FBXL7: variants seen among roughly 807,000 people sequenced by gnomAD.
FBXL7 encodes F-box and leucine rich repeat protein 7.
In FBXL7, 12 loss-of-function variants were observed where a neutral mutation model predicts 38.3. The ratio of observed to expected loss-of-function variants is 0.31; its 90% CI spans 0.20 to 0.51. The LOEUF (loss-of-function observed/expected upper bound fraction) is 0.51. Among genes scored for constraint, FBXL7 ranks in the 20% least tolerant of loss-of-function variants. FBXL7 has a pLI of 0.98. For missense variants in FBXL7, 567 were observed against 676.4 expected (o/e 0.84, Z 1.79); for synonymous variants, 297 against 300.9 (o/e 0.99, Z 0.13).
intron 2 of FBXL7, among the ~76,000 whole-genome samples, chr5:15,625,048 T>C (rs541824949): frequency 6.6e-6 from 1 of 152,288 alleles, no homozygotes; most frequent in East Asian, 1.9e-4. Flanking sequence ...TCATTCATTT[T>C]TGGACTTTTC....
intron 2 of FBXL7, among the ~76,000 whole-genome samples, chr5:15,839,178 TTC>T (rs1350926623): frequency 1.3e-5 from 2 of 151,906 alleles, no homozygotes; most frequent in Non-Finnish European, 2.9e-5. Flanking sequence ...ATTTTCTAAT[TTC>T]TTTCTCCTTT....
At chr5:15,748,177 A>G (rs1427453683) in intron 2 of FBXL7, among the ~76,000 whole-genome samples, 3 of 152,176 alleles carry the variant, frequency 2.0e-5, no homozygotes, top group Admixed American at 1.3e-4. Flanking sequence ...TCTTGTGGGT[A>G]GAGAGTAGGG....
At chr5:15,727,242 CATT>C (rs796524927) in intron 2 of FBXL7, among the ~76,000 whole-genome samples, 64 of 152,238 alleles carry the variant, frequency 4.2e-4, no homozygotes, top group African/African-American at 1.4e-3. Flanking sequence ...AGTTATATCT[CATT>C]GTTACTGTAA....
chr5:15,806,074 A>T (rs946284295), intron 2 of FBXL7, among the ~76,000 whole-genome samples: 1 of 152,242 alleles, frequency 6.6e-6, no homozygotes, highest in East Asian at 1.9e-4. Flanking sequence ...ATCCAACCCT[A>T]TAATTTATGA....
chr5:15,560,286 T>G (rs1738374569), intron 1 of FBXL7, among the ~76,000 whole-genome samples: 1 of 152,182 alleles, frequency 6.6e-6, no homozygotes, highest in African/African-American at 2.4e-5. Flanking sequence ...TTAAGTAGGG[T>G]GAGATTTCTT....
chr5:15,659,395 C>T (rs1408981590), intron 2 of FBXL7, among the ~76,000 whole-genome samples: 3 of 151,970 alleles, frequency 2.0e-5, no homozygotes, highest in Non-Finnish European at 2.9e-5. Flanking sequence ...AGTTTCAGGG[C>T]TTGTGTGAAG....
At chr5:15,601,769 G>A (rs1739800822) in intron 1 of FBXL7, among the ~76,000 whole-genome samples, 1 of 152,156 alleles carries the variant, frequency 6.6e-6, no homozygotes, top group Non-Finnish European at 1.5e-5. Flanking sequence ...CTCAGGGTAG[G>A]ATTTTCTGCT....
chr5:15,837,116 CA>C (rs1479020586), intron 2 of FBXL7, among the ~76,000 whole-genome samples: 14 of 152,160 alleles, frequency 9.2e-5, no homozygotes, highest in African/African-American at 3.4e-4. Context: ...ACTTTAGTGA[CA>C]AGTCTAGAGC....
intron 2 of FBXL7, among the ~76,000 whole-genome samples, chr5:15,751,398 A>T (rs1187371566): frequency 1.3e-5 from 2 of 152,196 alleles, no homozygotes; most frequent in African/African-American, 4.8e-5. Context: ...TTTAGATGAG[A>T]ACTTAGCTGC....
chr5:15,872,720 A>C (rs1355109181), intron 2 of FBXL7, among the ~76,000 whole-genome samples: 5 of 152,254 alleles, frequency 3.3e-5, no homozygotes, highest in Non-Finnish European at 7.3e-5. Flanking sequence ...TCACTGCAAC[A>C]AGAAGGGTTA....
chr5:15,848,797 T>C (rs1478287456), intron 2 of FBXL7, among the ~76,000 whole-genome samples: 1 of 152,210 alleles, frequency 6.6e-6, no homozygotes, highest in Non-Finnish European at 1.5e-5. Flanking sequence ...ATTTATTTCA[T>C]GAAAAAGGAA....
At chr5:15,843,836 A>G (rs563041526) in intron 2 of FBXL7, among the ~76,000 whole-genome samples, 2 of 151,636 alleles carry the variant, frequency 1.3e-5, no homozygotes, top group Non-Finnish European at 2.9e-5. Context: ...ATAGCTTAAT[A>G]TGTGTATTAA....
intron 2 of FBXL7, among the ~76,000 whole-genome samples, chr5:15,825,479 A>G (rs749119165): frequency 7.2e-5 from 11 of 152,200 alleles, no homozygotes; most frequent in Non-Finnish European, 1.2e-4. Context: ...TCATTAGTAG[A>G]GCAACTTTGT....
Position 15,761,932 on chromosome 5 carries a change from A to G in FBXL7, c.127+145860A>G, listed in dbSNP as rs139034430. On this transcript the variant is annotated intron_variant, in intron 2 of 3. Transcript: ENST00000504595. Reference sequence around the variant, plus strand: ...GGGTTCTCAATACTAAAGTGTCACTATATCAAGTTATCAATTGCTGTGTAA... The same window carrying G: ...GGGTTCTCAATACTAAAGTGTCACTGTATCAAGTTATCAATTGCTGTGTAA... 6.4e-4 allele frequency among the ~76,000 whole-genome samples: 98 copies of G among 152,334 alleles called. 1 individual carries two copies. Among genetic ancestry groups the G allele is most frequent in the African/African-American group, 2.2e-3 (92 of 41,586 alleles).
At chr5:15,525,536 G>T (rs1737227634) in intron 1 of FBXL7, among the ~76,000 whole-genome samples, 1 of 152,030 alleles carries the variant, frequency 6.6e-6, no homozygotes, top group Non-Finnish European at 1.5e-5. Context: ...TGTTTGAGTT[G>T]TACCTTAGCC....
At chr5:15,557,063 C>T (rs1738263726) in intron 1 of FBXL7, among the ~76,000 whole-genome samples, 1 of 152,136 alleles carries the variant, frequency 6.6e-6, no homozygotes, top group Admixed American at 6.5e-5. Flanking sequence ...TCAGCCTCCC[C>T]AGTAGCTGGG....
intron 2 of FBXL7, among the ~76,000 whole-genome samples, chr5:15,708,122 C>G (rs935108209): frequency 1.3e-5 from 2 of 152,188 alleles, no homozygotes; most frequent in Non-Finnish European, 2.9e-5. Context: ...AGCCCTAGAT[C>G]ATTTTATGCC....
intron 2 of FBXL7, among the ~76,000 whole-genome samples, chr5:15,845,621 A>C (rs1031052646): frequency 1.3e-5 from 2 of 152,224 alleles, no homozygotes; most frequent in African/African-American, 4.8e-5. Flanking sequence ...ACATTATATC[A>C]TTACTTAACT....
chr5:15,801,450 T>C (rs575884138), intron 2 of FBXL7, among the ~76,000 whole-genome samples: 158 of 152,300 alleles, frequency 1.0e-3, no homozygotes, highest in African/African-American at 3.4e-3. Flanking sequence ...GTCAAAAGTG[T>C]AGCTTTCATT....
Sources: allele counts gnomAD v4.1 joint callset (sites outside exome capture counted in the v4.1 genomes callset), GRCh38; gene constraint gnomAD v4.1.1; transcripts MANE v1.5; gene names NCBI Gene and HGNC (gene_info 2026-07-23, HGNC 2026-07-21).